RPL29: variants seen among roughly 807,000 people sequenced by gnomAD.
The protein encoded by RPL29 is ribosomal protein L29.
Under a neutral mutation model 7.2 loss-of-function variants are expected in RPL29, and 4 were observed. The ratio of observed to expected loss-of-function variants is 0.55; its 90% CI spans 0.27 to 1.26. The LOEUF (loss-of-function observed/expected upper bound fraction) is 1.26. RPL29 is among the 50% of genes most tolerant of loss of function. The pLI is 0.11. For synonymous variants in RPL29, 73 were observed against 72.8 expected (o/e 1.00, Z -0.01); for missense variants, 148 against 209.1 (o/e 0.71, Z 1.80).
intron 1 of RPL29, 75 bp from the exon 2 acceptor site, chr3:51,995,544 G>C (rs1292917814): frequency 7.1e-7 from 1 of 1,403,006 alleles, no homozygotes; most frequent in African/African-American, 1.4e-5. Flanking sequence ...ATTCTGGTCA[G>C]AATGAGCCTG....
Position 51,995,406 on chromosome 3 carries a change from C to G in RPL29, c.37+19G>C. On this transcript the variant is annotated intron_variant, in intron 2 of 3. Transcript: ENST00000294189. The stretch of plus-strand genomic sequence containing the variant: ...TCCTTGCCAGGGTCTGGGATGTAGG[C>G]AGGGCCCAAAAAACTTACACTGGTT... 6.2e-7 allele frequency: 1 copy of G among 1,614,132 alleles called. No homozygotes were observed. Among genetic ancestry groups the G allele is most frequent in the Non-Finnish European group, 8.5e-7 (1 of 1,179,960 alleles).
intron 2 of RPL29, 81 bp from the exon 3 acceptor site, chr3:51,995,187 G>T: frequency 7.8e-7 from 1 of 1,285,216 alleles, no homozygotes; most frequent in South Asian, 1.3e-5. Flanking sequence ...TGGCAAGTCT[G>T]GGAGAACCAA....
At chr3:51,994,839 C>T (rs763955774) in intron 3 of RPL29, 3 of 719,540 alleles carry the variant, frequency 4.2e-6, no homozygotes, top group Non-Finnish European at 7.6e-6. Flanking sequence ...ACACCCTGAC[C>T]AGAGGGTTAC....
chr3:51,994,150 T>G (rs200642315), intron 3 of RPL29, 24 bp from the exon 4 acceptor site: 77 of 1,566,650 alleles, frequency 4.9e-5, no homozygotes, highest in Non-Finnish European at 2.7e-5. Context: ...AAGGTACAGG[T>G]GGCAGCATGT....
At chr3:51,994,167 C>T (rs1329856069) in intron 3 of RPL29, 41 bp from the exon 4 acceptor site, 1 of 1,549,994 alleles carries the variant, frequency 6.5e-7, no homozygotes, top group Admixed American at 1.9e-5. Flanking sequence ...ATGTGGGTCC[C>T]CAAGTCTCTC....
At chr3:51,995,579 C>G (rs1191252608) in intron 1 of RPL29, 110 bp from the exon 2 acceptor site, 2 of 1,048,222 alleles carry the variant, frequency 1.9e-6, no homozygotes, top group Non-Finnish European at 2.9e-6. Context: ...GCAGCCTCCA[C>G]GAGTCTCGGC....
Position 51,993,709 on chromosome 3 carries a change from G to A in RPL29, c.*40C>T. ...TGGTAGCCCAGGGGCGGGGGTGGGG[G>A]GTCGCACCAGTCCTTCTGTCCTCAT... On this transcript the variant is annotated 3_prime_UTR_variant, in exon 4 of 4. Coordinates refer to ENST00000294189, the MANE Select transcript of RPL29 (RefSeq NM_000992.3). 1.3e-6 allele frequency: 2 copies of A among 1,530,584 alleles called. No individual in the cohort carries two copies. The highest frequency in any genetic ancestry group is 1.7e-6 in the Non-Finnish European group (2 of 1,143,400). The allele number at this position is 1,530,584 out of a possible 1,614,324, so 94.8% of individuals were successfully genotyped here. A position where few individuals can be genotyped will look rare whatever the true frequency, so the allele number is the denominator to read the frequency against.
In RPL29 at chr3:51,995,455, T is replaced by C; in HGVS notation, c.7A>G (p.Lys3Glu). Residue 3 changes from lysine to glutamate, a missense_variant, in exon 2 of 4, where the codon AAG (lysine) becomes GAG (glutamate). Physicochemically the swap from Lys to Glu is moderately conservative, Grantham distance 56. Coordinates refer to ENST00000294189, the MANE Select transcript of RPL29 (RefSeq NM_000992.3). ...TTGTGTGTGGTGTGGTTCTTGGACTTGGCCATGTCTGCACCTGGAAGACAA... is the reference window on the plus strand; with the variant it reads ...TTGTGTGTGGTGTGGTTCTTGGACTCGGCCATGTCTGCACCTGGAAGACAA... MA[K>E]SKNHTTHNQS... 2.5e-6 allele frequency: 4 copies of C among 1,614,086 alleles called. No individual in the cohort carries two copies. The highest frequency in any genetic ancestry group is 3.4e-6 in the Non-Finnish European group (4 of 1,180,036).
At chr3:51,994,409 G>C (rs567713615) in intron 3 of RPL29, 8 of 414,486 alleles carry the variant, frequency 1.9e-5, no homozygotes, top group Non-Finnish European at 3.4e-5. Flanking sequence ...TCCTACAGCA[G>C]GGGTTCGACC....
At chr3:51,994,696 CTGGGTCAGA>C (rs1701292308) in intron 3 of RPL29, 1 of 614,402 alleles carries the variant, frequency 1.6e-6, no homozygotes. Flanking sequence ...AACTCCAGCA[CTGGGTCAGA>C]TGGAGGTCAT....
chr3:51,995,503 C>T, intron 1 of RPL29, 34 bp from the exon 2 acceptor site: 1 of 1,609,672 alleles, frequency 6.2e-7, no homozygotes, highest in Non-Finnish European at 8.5e-7. Flanking sequence ...GGGTTAAGGG[C>T]TCGCCAGGCT....
intron 3 of RPL29, chr3:51,994,511 A>G (rs1701290401): frequency 9.0e-6 from 3 of 335,156 alleles, no homozygotes; most frequent in Admixed American, 4.5e-5. Context: ...AAAGACTTAT[A>G]GCCAAGGTGG....
chr3:51,994,712 T>TC (rs1701292538), intron 3 of RPL29: 1 of 640,680 alleles, frequency 1.6e-6, no homozygotes, highest in Admixed American at 2.4e-5. Flanking sequence ...CAGATGGAGG[T>TC]CATAAGGCTG....
intron 3 of RPL29, 96 bp downstream of exon 3, chr3:51,994,946 A>T: frequency 1.8e-6 from 2 of 1,085,900 alleles, no homozygotes; most frequent in Non-Finnish European, 2.9e-6. Flanking sequence ...GGCTGTGCTC[A>T]GGCAGAAGCC....
chr3:51,994,897 G>C lies in RPL29; in HGVS notation c.102+145C>G, dbSNP rs533695746. The stretch of plus-strand genomic sequence containing the variant: ...GAAAGCTTTATTATGGGTCTGGTAG[G>C]GTAGAAAAAGGAATTGCAGGCTTTG... On this transcript the variant is annotated intron_variant, in intron 3 of 3. Coordinates refer to ENST00000294189, the MANE Select transcript of RPL29 (RefSeq NM_000992.3). The C allele has an allele frequency of 5.0e-6, 4 of 800,624 alleles. No individual in the cohort carries two copies. In the East Asian group the frequency reaches 9.7e-5, roughly 19 times the overall value. 49.6% of individuals were successfully genotyped at this position (800,624 alleles called of 1,614,324 possible).
In RPL29 at chr3:51,993,945, C is replaced by T. The variant is rs180851912; in HGVS notation, c.284G>A (p.Arg95Gln). The T allele has an allele frequency of 1.3e-5, 20 of 1,596,524 alleles. No individual in the cohort carries two copies. The Admixed American group carries it at 2.2e-4, about 17-fold the overall frequency. The change falls in exon 4 of 4, where the codon CGA (arginine) becomes CAA (glutamine). Residue 95 changes from arginine to glutamine, a missense_variant. Transcript: ENST00000294189. ...CTTGGGGTGGGCAATGTAGGCAAGT[C>T]GATCGAGCTTGCGGCTGACACCCTT... ...IPKGVSRKLDRLAYIAHPKLG... is the reference protein window; with the variant it reads ...IPKGVSRKLDQLAYIAHPKLG...
Position 51,995,462 on chromosome 3 carries a change from G to T in RPL29, c.-1C>A. On this transcript the variant is annotated 5_prime_UTR_variant, in exon 2 of 4. Transcript: ENST00000294189. ...TGGTGTGGTTCTTGGACTTGGCCATGTCTGCACCTGGAAGACAAAAGTGGA... is the reference window on the plus strand; with the variant it reads ...TGGTGTGGTTCTTGGACTTGGCCATTTCTGCACCTGGAAGACAAAAGTGGA... 1 of 1,614,050 alleles carries T rather than the reference G, an allele frequency of 6.2e-7. No homozygotes were observed. Among genetic ancestry groups the T allele is most frequent in the South Asian group, 1.1e-5 (1 of 91,074 alleles).
chr3:51,995,293 C>T (rs1701299913), intron 2 of RPL29, 132 bp downstream of exon 2: 4 of 1,128,124 alleles, frequency 3.5e-6, no homozygotes, highest in Non-Finnish European at 5.3e-6. Flanking sequence ...CCTATAAACC[C>T]TAAAGTTATT....
At chr3:51,994,813 C>T (rs1196174054) in intron 3 of RPL29, 1 of 705,446 alleles carries the variant, frequency 1.4e-6, no homozygotes, top group Non-Finnish European at 2.6e-6. Context: ...GCCAAACTGC[C>T]CTCAGGAGGC....
Sources: gnomAD v4.1 joint callset for allele counts on GRCh38, gnomAD v4.1.1 for gene constraint, MANE v1.5 for transcripts, NCBI Gene and HGNC (gene_info 2026-07-23, HGNC 2026-07-21) for gene names.